CDH12: variants seen among roughly 807,000 people sequenced by gnomAD.
CDH12 encodes cadherin 12.
In CDH12, 41 loss-of-function variants were observed where a neutral mutation model predicts 74.1. That is an observed-to-expected ratio of 0.55 (90% confidence interval 0.43 to 0.72). The LOEUF (loss-of-function observed/expected upper bound fraction) is 0.72. CDH12 is among the 30% of genes least tolerant of loss of function. The pLI, the probability that CDH12 is intolerant of heterozygous loss-of-function variation, is 0.00. For missense variants in CDH12, 945 were observed against 977.2 expected, an observed-to-expected ratio of 0.97 and a Z score of 0.44; for synonymous variants, 399 against 355.0, an observed-to-expected ratio of 1.12 and a Z score of -1.39.
intron 1 of CDH12, among the ~76,000 whole-genome samples, chr5:22,682,184 T>C (rs999492390): frequency 6.6e-6 from 1 of 152,068 alleles, no homozygotes; most frequent in Non-Finnish European, 1.5e-5. Context: ...GAGAACTTAG[T>C]TCAGCTGTTA....
At chr5:21,935,251 T>G (rs1755025814) in intron 6 of CDH12, among the ~76,000 whole-genome samples, 1 of 152,192 alleles carries the variant, frequency 6.6e-6, no homozygotes, top group Non-Finnish European at 1.5e-5. Flanking sequence ...ATTTTATATA[T>G]GCTTTCATTT....
At chr5:21,759,665 T>C (rs1744604514) in intron 13 of CDH12, among the ~76,000 whole-genome samples, 1 of 152,118 alleles carries the variant, frequency 6.6e-6, no homozygotes, top group African/African-American at 2.4e-5. Flanking sequence ...ATTCTTTAAA[T>C]TTATTTATTA....
chr5:22,130,399 A>C (rs576452372), intron 4 of CDH12, among the ~76,000 whole-genome samples: 1 of 152,228 alleles, frequency 6.6e-6, no homozygotes, highest in African/African-American at 2.4e-5. Flanking sequence ...CAAGAGATGG[A>C]TGAGGTATGG....
intron 1 of CDH12, among the ~76,000 whole-genome samples, chr5:22,837,940 G>T (rs1394134275): frequency 6.6e-6 from 1 of 152,116 alleles, no homozygotes; most frequent in Non-Finnish European, 1.5e-5. Context: ...GAAACGGGTA[G>T]CATACTTCAC....
At chr5:22,517,841 T>C (rs1443513025) in intron 1 of CDH12, among the ~76,000 whole-genome samples, 1 of 152,226 alleles carries the variant, frequency 6.6e-6, no homozygotes, top group African/African-American at 2.4e-5. Context: ...TAGGCAAATA[T>C]ATATTTTTTC....
intron 3 of CDH12, among the ~76,000 whole-genome samples, chr5:22,375,423 A>G (rs1446196840): frequency 6.6e-6 from 1 of 152,158 alleles, no homozygotes. Flanking sequence ...AAGCACAGAC[A>G]ACTAACTGTA....
chr5:21,759,991 C>T (rs1744625374), intron 13 of CDH12, among the ~76,000 whole-genome samples: 3 of 152,262 alleles, frequency 2.0e-5, no homozygotes, highest in South Asian at 2.1e-4. Context: ...CCAGCTCCAT[C>T]CATGTTCCTA....
chr5:22,796,231 T>C (rs1487253139), intron 1 of CDH12, among the ~76,000 whole-genome samples: 11 of 152,216 alleles, frequency 7.2e-5, no homozygotes, highest in Admixed American at 2.0e-4. Flanking sequence ...CTGGACCATA[T>C]GGTAGTTCTA....
At chr5:22,565,812 A>C (rs1369424121) in intron 1 of CDH12, among the ~76,000 whole-genome samples, 1 of 152,190 alleles carries the variant, frequency 6.6e-6, no homozygotes, top group East Asian at 1.9e-4. Context: ...TCTACACTGA[A>C]ACTAACATTT....
chr5:22,089,980 C>T (rs1302563023), intron 4 of CDH12, among the ~76,000 whole-genome samples: 1 of 151,382 alleles, frequency 6.6e-6, no homozygotes, highest in Non-Finnish European at 1.5e-5. Flanking sequence ...AATTTAACCA[C>T]CCCAATAAGA....
intron 1 of CDH12, among the ~76,000 whole-genome samples, chr5:22,761,908 A>G (rs1746248266): frequency 6.6e-6 from 1 of 151,064 alleles, no homozygotes; most frequent in Admixed American, 6.6e-5. Flanking sequence ...TCTTCTACAA[A>G]ATTTCAGTTT....
At chr5:22,672,434 G>C (rs780921283) in intron 1 of CDH12, among the ~76,000 whole-genome samples, 51 of 152,090 alleles carry the variant, frequency 3.4e-4, no homozygotes, top group Middle Eastern at 3.4e-3. Flanking sequence ...TTGCTCTCAT[G>C]AAGGGATTAA....
intron 6 of CDH12, among the ~76,000 whole-genome samples, chr5:21,887,183 A>C (rs1752675411): frequency 6.6e-6 from 1 of 151,884 alleles, no homozygotes; most frequent in Non-Finnish European, 1.5e-5. Context: ...TTCTCTCTCC[A>C]CTTTAGAATA....
At chr5:21,909,556 C>T (rs1284739456) in intron 6 of CDH12, among the ~76,000 whole-genome samples, 1 of 152,032 alleles carries the variant, frequency 6.6e-6, no homozygotes, top group African/African-American at 2.4e-5. Context: ...CTCACAACTC[C>T]GAATTTCTCA....
chr5:22,722,523 G>A (rs1282158834), intron 1 of CDH12, among the ~76,000 whole-genome samples: 1 of 152,130 alleles, frequency 6.6e-6, no homozygotes, highest in African/African-American at 2.4e-5. Flanking sequence ...GATAAAATGT[G>A]CATAATGATA....
chr5:22,734,608 ACTT>A (rs1452999579), intron 1 of CDH12, among the ~76,000 whole-genome samples: 2 of 151,950 alleles, frequency 1.3e-5, no homozygotes, highest in East Asian at 1.9e-4. Flanking sequence ...TTTATACCCA[ACTT>A]CTTCTCCAAA....
intron 2 of CDH12, among the ~76,000 whole-genome samples, chr5:22,486,840 T>A (rs1273554145): frequency 6.6e-6 from 1 of 152,120 alleles, no homozygotes; most frequent in Non-Finnish European, 1.5e-5. Context: ...GTAATTATGA[T>A]GATACATAAT....
intron 1 of CDH12, among the ~76,000 whole-genome samples, chr5:22,749,928 G>A (rs1430227958): frequency 1.3e-5 from 2 of 152,070 alleles, no homozygotes; most frequent in Admixed American, 6.5e-5. Flanking sequence ...AAATCACTTA[G>A]GCACACATAC....
chr5:21,752,089 A>G lies in CDH12; in HGVS notation c.2033T>C (p.Leu678Pro). Residue 678 changes from leucine (L) to proline (P), a missense_variant, in exon 15 of 15, where the codon CTG (leucine) becomes CCG (proline). Coordinates refer to ENST00000382254, the MANE Select transcript of CDH12 (RefSeq NM_004061.5). ...CTCCTCAATCACTTTTGGGTTTCTC[A>G]GAGCCCCGATGTCGAAAGCCTGGGT... ...EDTQAFDIGA[L>P]RNPKVIEENK... 6.2e-7 allele frequency: 1 copy of G among 1,614,102 alleles called. No homozygotes were observed. The highest frequency in any genetic ancestry group is 8.5e-7 in the Non-Finnish European group (1 of 1,180,000).
Sources: gnomAD v4.1 joint callset for allele counts (sites outside exome capture counted in the v4.1 genomes callset) on GRCh38, gnomAD v4.1.1 for gene constraint, MANE v1.5 for transcripts, NCBI Gene and HGNC (gene_info 2026-07-23, HGNC 2026-07-21) for gene names.